Variants in SLC35F1 observed in about 807,000 individuals in gnomAD.
SLC35F1 encodes the protein chromosome 6 open reading frame 169.
Under a neutral mutation model 48.7 loss-of-function variants are expected in SLC35F1, and 14 were observed. The ratio of observed to expected loss-of-function variants is 0.29; its 90% CI spans 0.19 to 0.45. The LOEUF (loss-of-function observed/expected upper bound fraction) is 0.45. Among genes scored for constraint, SLC35F1 ranks in the 20% least tolerant of loss-of-function variants. The pLI is 1.00. For synonymous variants in SLC35F1, 190 were observed against 202.2 expected (o/e 0.94, Z 0.51); for missense variants, 404 against 500.0 (o/e 0.81, Z 1.83).
intron 2 of SLC35F1, among the ~76,000 whole-genome samples, chr6:118,155,588 A>T (rs1437380184): frequency 6.6e-6 from 1 of 152,192 alleles, no homozygotes; most frequent in African/African-American, 2.4e-5. Flanking sequence ...AACCATAAGA[A>T]ATAAATCTCT....
At chr6:118,283,910 C>G (rs897257393) in intron 6 of SLC35F1, among the ~76,000 whole-genome samples, 1 of 152,148 alleles carries the variant, frequency 6.6e-6, no homozygotes, top group Non-Finnish European at 1.5e-5. Flanking sequence ...AGAATCTACA[C>G]GTAGGACTTT....
intron 1 of SLC35F1, among the ~76,000 whole-genome samples, chr6:117,933,697 C>T (rs991955987): frequency 6.6e-6 from 1 of 152,156 alleles, no homozygotes; most frequent in Non-Finnish European, 1.5e-5. Flanking sequence ...TGGTGAGTGC[C>T]AGAGGCTGAG....
intron 1 of SLC35F1, among the ~76,000 whole-genome samples, chr6:118,003,774 A>G (rs1381133836): frequency 1.3e-5 from 2 of 152,188 alleles, no homozygotes; most frequent in South Asian, 4.1e-4. Flanking sequence ...AGCACTCAAA[A>G]TTATATAAAG....
At chr6:117,927,382 A>G (rs1776042573) in intron 1 of SLC35F1, among the ~76,000 whole-genome samples, 1 of 152,176 alleles carries the variant, frequency 6.6e-6, no homozygotes, top group South Asian at 2.1e-4. Flanking sequence ...TAGGCATCAC[A>G]TTTCTAATAA....
intron 4 of SLC35F1, among the ~76,000 whole-genome samples, chr6:118,270,802 T>G (rs527662292): frequency 6.6e-6 from 1 of 152,302 alleles, no homozygotes; most frequent in African/African-American, 2.4e-5. Context: ...TAAAAATGAC[T>G]TAGTAAAGTT....
At chr6:118,118,297 G>T (rs1773501197) in intron 1 of SLC35F1, among the ~76,000 whole-genome samples, 1 of 152,110 alleles carries the variant, frequency 6.6e-6, no homozygotes, top group Non-Finnish European at 1.5e-5. Context: ...TAAATTTATT[G>T]TGTTTGAATA....
intron 1 of SLC35F1, among the ~76,000 whole-genome samples, chr6:118,107,190 A>G (rs1773338066): frequency 6.6e-6 from 1 of 151,944 alleles, no homozygotes; most frequent in South Asian, 2.1e-4. Context: ...ATGGATGCAT[A>G]CACAAAAAAA....
chr6:118,182,129 T>C (rs529762161), intron 2 of SLC35F1, among the ~76,000 whole-genome samples: 16 of 152,190 alleles, frequency 1.1e-4, no homozygotes, highest in African/African-American at 3.9e-4. Flanking sequence ...TTCTTGGAGC[T>C]TAAGAAATTT....
At chr6:118,169,546 A>G (rs183378223) in intron 2 of SLC35F1, among the ~76,000 whole-genome samples, 52 of 152,280 alleles carry the variant, frequency 3.4e-4, no homozygotes, top group Non-Finnish European at 6.2e-4. Context: ...TGAGACCCTT[A>G]CAGATGCGCT....
intron 1 of SLC35F1, among the ~76,000 whole-genome samples, chr6:118,028,038 G>A: frequency 6.6e-6 from 1 of 152,138 alleles, no homozygotes; most frequent in East Asian, 1.9e-4. Context: ...AGTTAATTTT[G>A]TTTAATATGG....
chr6:118,039,020 G>A (rs922577689), intron 1 of SLC35F1, among the ~76,000 whole-genome samples: 2 of 152,108 alleles, frequency 1.3e-5, no homozygotes, highest in Non-Finnish European at 2.9e-5. Context: ...GCAACATCAG[G>A]TAATATTGCT....
At chr6:118,094,574 A>G (rs1469622196) in intron 1 of SLC35F1, among the ~76,000 whole-genome samples, 1 of 152,158 alleles carries the variant, frequency 6.6e-6, no homozygotes, top group Non-Finnish European at 1.5e-5. Flanking sequence ...CCACTTACAG[A>G]GAATGCAGAA....
At chr6:118,228,473 C>T (rs1034188632) in intron 2 of SLC35F1, among the ~76,000 whole-genome samples, 13 of 151,976 alleles carry the variant, frequency 8.6e-5, no homozygotes, top group Admixed American at 6.6e-4. Flanking sequence ...GAGGGAGAGG[C>T]GGGCAGATCA....
chr6:117,931,345 C>G (rs1304832337), intron 1 of SLC35F1, among the ~76,000 whole-genome samples: 1 of 152,126 alleles, frequency 6.6e-6, no homozygotes, highest in African/African-American at 2.4e-5. Flanking sequence ...TACTAGTATA[C>G]AGGTTGTTCT....
intron 7 of SLC35F1, among the ~76,000 whole-genome samples, chr6:118,299,437 C>T (rs1376583260): frequency 6.6e-6 from 1 of 152,006 alleles, no homozygotes; most frequent in Non-Finnish European, 1.5e-5. Context: ...CAGATGAAGC[C>T]TAGAGATCTG....
chr6:118,048,649 C>A (rs1772336558), intron 1 of SLC35F1, among the ~76,000 whole-genome samples: 1 of 152,134 alleles, frequency 6.6e-6, no homozygotes, highest in South Asian at 2.1e-4. Flanking sequence ...AGGAATCCAA[C>A]TTACAAGGGA....
chr6:118,173,950 C>T (rs1239011825), intron 2 of SLC35F1, among the ~76,000 whole-genome samples: 1 of 152,096 alleles, frequency 6.6e-6, no homozygotes. Flanking sequence ...AGATTCCATG[C>T]CTGAAGAAGA....
intron 1 of SLC35F1, among the ~76,000 whole-genome samples, chr6:117,970,536 C>G (rs1264089167): frequency 6.6e-6 from 1 of 152,162 alleles, no homozygotes; most frequent in East Asian, 1.9e-4. Flanking sequence ...CCACCACTAC[C>G]TGGTGCCACC....
At chr6:118,120,186 T>C (rs1428450673) in intron 1 of SLC35F1, among the ~76,000 whole-genome samples, 1 of 152,154 alleles carries the variant, frequency 6.6e-6, no homozygotes, top group Non-Finnish European at 1.5e-5. Context: ...TAATCCTTTA[T>C]GTCTGATAGA....
Sources: gnomAD v4.1 joint callset for allele counts (sites outside exome capture counted in the v4.1 genomes callset) on GRCh38, gnomAD v4.1.1 for gene constraint, MANE v1.5 for transcripts, NCBI Gene and HGNC (gene_info 2026-07-23, HGNC 2026-07-21) for gene names.